SLCO5A1: variants seen among roughly 807,000 people sequenced by gnomAD.
SLCO5A1 encodes organic anion transporter polypeptide-related protein 4.
In SLCO5A1, 39 loss-of-function variants were observed where a neutral mutation model predicts 65.1. That is an observed-to-expected ratio of 0.60 (90% CI 0.46 to 0.78). SLCO5A1 has a LOEUF of 0.78. Ranked by LOEUF, SLCO5A1 falls within the 30% of genes least tolerant of loss-of-function variation. SLCO5A1 has a pLI of 0.00. For synonymous variants in SLCO5A1, 438 were observed against 415.7 expected (o/e 1.05, Z -0.65); for missense variants, 1,029 against 1,069.4 (o/e 0.96, Z 0.53).
chr8:69,832,972 C>A lies in SLCO5A1; in HGVS notation c.-299G>T, dbSNP rs1821241000. 2 of 390,436 alleles carry A rather than the reference C, an allele frequency of 5.1e-6. No individual in the cohort carries two copies. The highest frequency in any genetic ancestry group is 8.9e-6 in the Non-Finnish European group (2 of 224,204). The allele number at this position is 390,436 out of a possible 1,614,324, so 24.2% of individuals were successfully genotyped here. A position where few individuals can be genotyped will look rare whatever the true frequency, so the allele number is the denominator to read the frequency against. On this transcript the variant is annotated 5_prime_UTR_variant, in exon 2 of 10. Transcript: ENST00000260126. This position sits in a 1 kb window ranked among gnomAD's most constrained non-coding sequence, Gnocchi z 4.5. ...GGGCGGTAGCTTGAGGCAGGCGCCTCGCGCGTCCCGGGCTCATCCCCTCCG... is the reference window on the plus strand; with the variant it reads ...GGGCGGTAGCTTGAGGCAGGCGCCTAGCGCGTCCCGGGCTCATCCCCTCCG...
intron 4 of SLCO5A1, among the ~76,000 whole-genome samples, chr8:69,742,332 T>C (rs1816819703): frequency 1.3e-5 from 2 of 152,176 alleles, no homozygotes; most frequent in African/African-American, 2.4e-5. Flanking sequence ...TTTCTTGGTG[T>C]CATTTATAAC....
At chr8:69,708,871 C>T (rs1815091410) in intron 5 of SLCO5A1, among the ~76,000 whole-genome samples, 1 of 152,068 alleles carries the variant, frequency 6.6e-6, no homozygotes, top group Non-Finnish European at 1.5e-5. Context: ...TGCATCACTG[C>T]ACTCCAGCCT....
At chr8:69,705,640 A>C (rs562831187) in intron 5 of SLCO5A1, among the ~76,000 whole-genome samples, 6 of 152,342 alleles carry the variant, frequency 3.9e-5, no homozygotes, top group African/African-American at 1.4e-4. Flanking sequence ...AAATACCCCA[A>C]TTTGATCATT....
intron 5 of SLCO5A1, among the ~76,000 whole-genome samples, chr8:69,711,353 C>T (rs1193541035): frequency 1.3e-5 from 2 of 152,174 alleles, no homozygotes; most frequent in East Asian, 3.9e-4. Context: ...TCTGCCCCGA[C>T]CCTGCCGCGT....
intron 2 of SLCO5A1, among the ~76,000 whole-genome samples, chr8:69,810,451 C>T (rs1163404955): frequency 1.3e-5 from 2 of 152,148 alleles, no homozygotes; most frequent in Non-Finnish European, 2.9e-5. Context: ...GCCGTTCCAG[C>T]TCCCACAGTA....
intron 4 of SLCO5A1, among the ~76,000 whole-genome samples, chr8:69,740,033 TTTC>T (rs1816730303): frequency 6.6e-6 from 1 of 152,234 alleles, no homozygotes; most frequent in Non-Finnish European, 1.5e-5. Context: ...TGAACGGGTT[TTTC>T]TTCTATAGCC....
chr8:69,761,713 G>C, intron 3 of SLCO5A1, 30 bp downstream of exon 3: 1 of 1,604,968 alleles, frequency 6.2e-7, no homozygotes, highest in East Asian at 2.2e-5. Context: ...AGTAAGAACT[G>C]AAATTTAAAA....
chr8:69,738,254 A>C (rs963388032), intron 4 of SLCO5A1, 50 bp from the exon 5 acceptor site: 1 of 1,475,650 alleles, frequency 6.8e-7, no homozygotes, highest in Non-Finnish European at 9.1e-7. Flanking sequence ...ATGGATGGAA[A>C]ACAAAATAAA....
intron 5 of SLCO5A1, among the ~76,000 whole-genome samples, chr8:69,724,210 A>T (rs1028570034): frequency 5.3e-5 from 8 of 152,234 alleles, no homozygotes. Context: ...GTATTTATAC[A>T]GTACCTATTT....
intron 2 of SLCO5A1, among the ~76,000 whole-genome samples, chr8:69,827,106 A>G (rs949123998): frequency 7.5e-6 from 1 of 133,884 alleles, no homozygotes; most frequent in Non-Finnish European, 1.5e-5. Flanking sequence ...ATGAGAACAC[A>G]TGGACACAGA....
At chr8:69,702,472 A>G (rs16936336) in intron 6 of SLCO5A1, among the ~76,000 whole-genome samples, 6,328 of 152,062 alleles carry the variant, frequency 0.042, 260 homozygotes, top group African/African-American at 0.1. Flanking sequence ...ATTAGGCACT[A>G]TCAAGAAGCC....
chr8:69,829,382 G>T (rs762408422), intron 2 of SLCO5A1, among the ~76,000 whole-genome samples: 4 of 152,150 alleles, frequency 2.6e-5, no homozygotes, highest in Non-Finnish European at 5.9e-5. Context: ...CATGGAAAAA[G>T]AAAAAAGTTG....
At chr8:69,791,044 G>A (rs1181633343) in intron 2 of SLCO5A1, among the ~76,000 whole-genome samples, 1 of 152,198 alleles carries the variant, frequency 6.6e-6, no homozygotes, top group East Asian at 1.9e-4. Flanking sequence ...GGAATGGAGG[G>A]AGGAGGGAAG....
Position 69,771,405 on chromosome 8 carries a change from T to A in SLCO5A1, c.908-9530A>T, listed in dbSNP as rs140697675. ...TTGTTACTTTCTGTCTCCTATACTTTTAAGTTTGCCTACTTTTTTAGTGCT... is the reference window on the plus strand; with the variant it reads ...TTGTTACTTTCTGTCTCCTATACTTATAAGTTTGCCTACTTTTTTAGTGCT... On this transcript the variant is annotated intron_variant, in intron 2 of 9. Coordinates refer to ENST00000260126, the MANE Select transcript of SLCO5A1 (RefSeq NM_030958.3). 9.9e-3 allele frequency among the ~76,000 whole-genome samples: 1,509 copies of A among 152,360 alleles called. 27 individuals carry two copies. The highest frequency in any genetic ancestry group is 0.035 in the African/African-American group (1,440 of 41,570).
Position 69,705,218 on chromosome 8 carries a change from C to T in SLCO5A1, c.1435G>A (p.Val479Ile), listed in dbSNP as rs141622109. 33 of 1,613,742 alleles carry T rather than the reference C, an allele frequency of 2.0e-5. 1 individual carries two copies. In the Middle Eastern group the frequency reaches 4.9e-4, roughly 24 times the overall value. ...NASIYTGVII[V>I]PSAGVGIVLG... Reference sequence around the variant, plus strand: ...ACAATACCAACACCAGCACTGGGGACGATAATAACCCCTGGGGAGAAGAGA... The same window carrying T: ...ACAATACCAACACCAGCACTGGGGATGATAATAACCCCTGGGGAGAAGAGA... The change falls in exon 6 of 10, where the codon GTC becomes ATC. Residue 479 changes from valine to isoleucine, a missense_variant. This residue lies in a region of SLCO5A1 where 647 missense variants were observed against 647.5 expected (regional missense o/e 1.00). Transcript: ENST00000260126.
At chr8:69,826,743 T>G (rs1820934589) in intron 2 of SLCO5A1, among the ~76,000 whole-genome samples, 1 of 152,132 alleles carries the variant, frequency 6.6e-6, no homozygotes, top group Admixed American at 6.5e-5. Context: ...GTGTGGCGAT[T>G]CCTCAGGGAT....
intron 2 of SLCO5A1, among the ~76,000 whole-genome samples, chr8:69,777,916 C>T (rs1273203071): frequency 6.6e-6 from 1 of 152,200 alleles, no homozygotes; most frequent in Non-Finnish European, 1.5e-5. Flanking sequence ...CATCTCATCA[C>T]ACAGACATTT....
At chr8:69,765,006 C>G (rs986076035) in intron 2 of SLCO5A1, among the ~76,000 whole-genome samples, 3 of 152,092 alleles carry the variant, frequency 2.0e-5, no homozygotes, top group Non-Finnish European at 4.4e-5. Context: ...CCAAAAAAAC[C>G]CTTAACTACT....
intron 4 of SLCO5A1, 126 bp downstream of exon 4, chr8:69,755,298 A>C: frequency 1.7e-6 from 1 of 601,230 alleles, no homozygotes; most frequent in East Asian, 2.9e-5. Flanking sequence ...GTTTTGCAAC[A>C]CTTACTCTCA....
Sources: gnomAD v4.1 joint callset for allele counts (sites outside exome capture counted in the v4.1 genomes callset) on GRCh38, gnomAD v4.1.1 for gene constraint, gnomAD v4.1.1 regional missense constraint, Gnocchi (gnomAD v3.1) non-coding constraint, MANE v1.5 for transcripts, NCBI Gene and HGNC (gene_info 2026-07-23, HGNC 2026-07-21) for gene names.